Variants in SCN11A observed in about 807,000 individuals in gnomAD.
SCN11A encodes the protein sodium channel protein type 11 subunit alpha.
Under a neutral mutation model 162.2 loss-of-function variants are expected in SCN11A, and 122 were observed. That is an observed-to-expected ratio of 0.75 (90% CI 0.65 to 0.87). SCN11A has a LOEUF of 0.87. SCN11A is among the 40% of genes least tolerant of loss of function. The pLI is 0.00. For synonymous variants in SCN11A, 758 were observed against 751.5 expected, an observed-to-expected ratio of 1.01 and a Z score of -0.14; for missense variants, 2,015 against 2,181.6, an observed-to-expected ratio of 0.92 and a Z score of 1.52.
chr3:38,883,097 A>G (rs2065336552), intron 22 of SCN11A, 136 bp downstream of exon 22: 3 of 706,952 alleles, frequency 4.2e-6, no homozygotes, highest in Admixed American at 5.8e-5. Context: ...AACCCTGCCC[A>G]CTGCGGGAAC....
At chr3:39,003,883 C>G (rs1274004630) in intron 2 of SCN11A, among the ~76,000 whole-genome samples, 3 of 150,580 alleles carry the variant, frequency 2.0e-5, no homozygotes, top group Admixed American at 6.6e-5. Flanking sequence ...GTTTTTTTTT[C>G]TTGTAAATTT....
chr3:38,995,910 G>A (rs542293178), intron 2 of SCN11A, among the ~76,000 whole-genome samples: 59 of 152,106 alleles, frequency 3.9e-4, no homozygotes, highest in Non-Finnish European at 4.7e-4. Flanking sequence ...GTACAGATAA[G>A]GATGTATATA....
At chr3:38,964,524 A>G (rs2066769318) in intron 2 of SCN11A, among the ~76,000 whole-genome samples, 1 of 152,236 alleles carries the variant, frequency 6.6e-6, no homozygotes, top group Non-Finnish European at 1.5e-5. Flanking sequence ...TAAGATACAG[A>G]GGCTTTCACA....
At chr3:39,033,894 G>A (rs1041922610) in intron 1 of SCN11A, among the ~76,000 whole-genome samples, 1 of 152,162 alleles carries the variant, frequency 6.6e-6, no homozygotes, top group African/African-American at 2.4e-5. Context: ...GATGGGCATG[G>A]TGGCTCACAC....
At chr3:38,989,287 C>T (rs2030376389) in intron 2 of SCN11A, among the ~76,000 whole-genome samples, 1 of 152,172 alleles carries the variant, frequency 6.6e-6, no homozygotes. Flanking sequence ...AAGATTCCAG[C>T]CCCTGCCTAA....
At position 38,881,695 on chromosome 3, in the gene SCN11A, C is replaced by A. The variant is rs79496769; in HGVS notation, c.3219+1538G>T. On this transcript the variant is annotated intron_variant, in intron 22 of 29. Transcript: ENST00000302328. ...CTTCCAGGTGATGCTGCTGCTGCTG[C>A]TGATAGACACATATAGTGGCAAACA... Among the ~76,000 whole-genome samples the A allele has an allele frequency of 5.3e-3, 795 of 148,780 alleles. 5 individuals are homozygous for A. The highest frequency in any genetic ancestry group is 0.018 in the African/African-American group (760 of 41,134).
chr3:38,882,801 T>C (rs887342812), intron 22 of SCN11A, among the ~76,000 whole-genome samples: 8 of 152,204 alleles, frequency 5.3e-5, no homozygotes, highest in African/African-American at 1.7e-4. Context: ...GGCAACTTAT[T>C]ATATCCTAAT....
At chr3:39,002,662 T>G (rs865904737) in intron 2 of SCN11A, among the ~76,000 whole-genome samples, 4 of 152,252 alleles carry the variant, frequency 2.6e-5, no homozygotes, top group Non-Finnish European at 5.9e-5. Flanking sequence ...CTTTGCAGTT[T>G]CTAGCACTCC....
intron 20 of SCN11A, 92 bp from the exon 21 acceptor site, chr3:38,885,494 G>T: frequency 1.4e-6 from 1 of 731,608 alleles, no homozygotes; most frequent in Non-Finnish European, 2.4e-6. Flanking sequence ...GATTTTTTAA[G>T]GATGAAATGA....
At position 38,850,575 on chromosome 3, in the gene SCN11A, T is replaced by C; in HGVS notation, c.4233A>G (p.Leu1411=). The change falls in exon 29 of 30, where the codon TTA becomes TTG. Residue 1411 remains leucine, a synonymous_variant. Transcript: ENST00000302328. The stretch of plus-strand genomic sequence containing the variant: ...AAGCAAAGATTTTGATGAGACATTC[T>C]AACGTAAAGATGACCACAAAGACCC... The part of the protein sequence containing the change: ...LNWVFVVIFT[L]ECLIKIFALR... The C allele has an allele frequency of 1.9e-6, 3 of 1,613,950 alleles. No homozygotes were observed. The South Asian group carries it at 3.3e-5, about 18-fold the overall frequency.
At chr3:39,042,957 C>CAAAAAAA (rs561204433) in intron 1 of SCN11A, among the ~76,000 whole-genome samples, 70 of 65,726 alleles carry the variant, frequency 1.1e-3, no homozygotes, top group Non-Finnish European at 1.5e-3. Context: ...AACTCCATCT[C>CAAAAAAA]AAAAAAAAAA....
chr3:38,966,207 T>G (rs145811309), intron 2 of SCN11A, among the ~76,000 whole-genome samples: 1 of 152,314 alleles, frequency 6.6e-6, no homozygotes, highest in East Asian at 1.9e-4. Flanking sequence ...TTGTTGTTGT[T>G]GTTTGCAAGG....
intron 2 of SCN11A, among the ~76,000 whole-genome samples, chr3:39,011,149 G>A (rs945501784): frequency 1.3e-5 from 2 of 152,148 alleles, no homozygotes; most frequent in African/African-American, 2.4e-5. Context: ...CTTAAGACCC[G>A]ACCTCCCTGA....
chr3:38,992,085 A>G (rs1243187000), intron 2 of SCN11A, among the ~76,000 whole-genome samples: 3 of 152,216 alleles, frequency 2.0e-5, no homozygotes, highest in Admixed American at 6.5e-5. Context: ...CTGGGATTAC[A>G]GGCATGAGCC....
Position 38,945,531 on chromosome 3 carries a change from GGCAGATATGTT to G in SCN11A, c.387-30_387-20del. Reference sequence around the variant, plus strand: ...GAACAATGTGGCCAGCATCCATTAAGGCAGATATGTTGCAGGATGGCATGCATCATTAGCTA... The same window carrying G: ...GAACAATGTGGCCAGCATCCATTAAGGCAGGATGGCATGCATCATTAGCTA... On this transcript the variant is annotated intron_variant, in intron 6 of 29. Transcript: ENST00000302328. The G allele has an allele frequency of 6.6e-7, 1 of 1,504,338 alleles. No homozygotes were observed. Among genetic ancestry groups the G allele is most frequent in the Non-Finnish European group, 9.0e-7 (1 of 1,111,236 alleles). 93.2% of individuals were successfully genotyped at this position (1,504,338 alleles called of 1,614,324 possible).
chr3:38,973,326 A>C (rs1341167174), intron 2 of SCN11A, among the ~76,000 whole-genome samples: 1 of 152,140 alleles, frequency 6.6e-6, no homozygotes, highest in African/African-American at 2.4e-5. Flanking sequence ...GCTTTTTCAC[A>C]AGTCTGTTAA....
At chr3:38,868,362 C>A (rs991176911) in intron 26 of SCN11A, among the ~76,000 whole-genome samples, 2 of 152,198 alleles carry the variant, frequency 1.3e-5, no homozygotes, top group African/African-American at 2.4e-5. Context: ...TTGCTTGAGG[C>A]ATCCATTTAT....
rs146942592 is a variant in SCN11A, at chr3:38,925,415, G to A, written c.712C>T (p.Arg238Cys). Residue 238 changes from arginine (R) to cysteine (C), a missense_variant and splice_region_variant, in exon 9 of 30, where the codon CGT (arginine) becomes TGT (cysteine). By Grantham distance (180) the Arg-to-Cys change is radical. Transcript: ENST00000302328. ...RALKAISVVS[R>C]LKVIVGALLR... ...AGTGTGGAAAGTGAGAGTGACTTACGTGAAACTACTGAAATTGCTTTCAAA... is the reference window on the plus strand; with the variant it reads ...AGTGTGGAAAGTGAGAGTGACTTACATGAAACTACTGAAATTGCTTTCAAA... 522 of 1,599,406 alleles carry A rather than the reference G, an allele frequency of 3.3e-4. No individual in the cohort carries two copies. Among genetic ancestry groups the A allele is most frequent in the Non-Finnish European group, 4.2e-4 (491 of 1,166,604 alleles).
chr3:38,945,846 C>T (rs2066509079), intron 6 of SCN11A, among the ~76,000 whole-genome samples: 1 of 152,162 alleles, frequency 6.6e-6, no homozygotes, highest in African/African-American at 2.4e-5. Flanking sequence ...GAGACCATAT[C>T]CTTGCTTGGC....
Sources: allele counts gnomAD v4.1 joint callset (sites outside exome capture counted in the v4.1 genomes callset), GRCh38; gene constraint gnomAD v4.1.1; transcripts MANE v1.5; gene names NCBI Gene and HGNC (gene_info 2026-07-23, HGNC 2026-07-21).